The following IVD variants were observed in gnomAD, a reference collection of about 807,000 sequenced individuals.
The protein encoded by IVD is isovaleryl-CoA dehydrogenase, also known as isovaleryl-CoA dehydrogenase, mitochondrial.
Under a neutral mutation model 51.3 loss-of-function variants are expected in IVD, and 31 were observed. The ratio of observed to expected loss-of-function variants is 0.60; its 90% CI spans 0.45 to 0.81. The LOEUF (loss-of-function observed/expected upper bound fraction) is 0.81. Ranked by LOEUF, IVD falls within the 40% of genes least tolerant of loss-of-function variation. The pLI, the probability that IVD is intolerant of heterozygous loss-of-function variation, is 0.00. For missense variants in IVD, 475 were observed against 552.0 expected (o/e 0.86, Z 1.40); for synonymous variants, 205 against 219.4 (o/e 0.93, Z 0.58).
intron 3 of IVD, 128 bp downstream of exon 3, chr15:40,408,118 T>C: frequency 1.2e-6 from 1 of 818,812 alleles, no homozygotes. Flanking sequence ...TTTGGACCTG[T>C]GAAAGCACCC....
chr15:40,429,376 A>G (rs1255444106), downstream of IVD, among the ~76,000 whole-genome samples: 2 of 152,224 alleles, frequency 1.3e-5, no homozygotes, highest in African/African-American at 4.8e-5. Flanking sequence ...AAAGACTAGT[A>G]ACAGTACGGG....
At chr15:40,421,844 C>CCTA (rs1386049226), downstream of IVD, among the ~76,000 whole-genome samples, 1 of 152,200 alleles carries the variant, frequency 6.6e-6, no homozygotes, top group African/African-American at 2.4e-5. Flanking sequence ...TTTCAGAAGA[C>CCTA]CGGTAAGGTG....
At chr15:40,415,028 C>T (rs568307673) in intron 8 of IVD, 46 bp downstream of exon 8, 25 of 1,603,870 alleles carry the variant, frequency 1.6e-5, no homozygotes, top group East Asian at 4.5e-5. Flanking sequence ...TCGGCCTCCT[C>T]GGCAGGTGAC....
chr15:40,405,814 C>G lies in IVD; in HGVS notation c.-14C>G, dbSNP rs773455680. 8 of 1,608,284 alleles carry G rather than the reference C, an allele frequency of 5.0e-6. No individual in the cohort carries two copies. The Admixed American group carries it at 6.7e-5, about 13-fold the overall frequency. On this transcript the variant is annotated 5_prime_UTR_variant, in exon 1 of 12. Coordinates refer to ENST00000487418, the MANE Select transcript of IVD (RefSeq NM_002225.5). ...TGGCTCAGTTTCAGCGCTGGCTCTT[C>G]GTGCATGGCAGAGATGGCGACTGCG...
downstream of IVD, among the ~76,000 whole-genome samples, chr15:40,427,215 G>A (rs1347093123): frequency 3.3e-5 from 5 of 152,326 alleles, 1 homozygote; most frequent in African/African-American, 1.2e-4. Context: ...CTAGGGCTAC[G>A]CTCGCACTGG....
chr15:40,408,488 G>A (rs1048288947), intron 3 of IVD, among the ~76,000 whole-genome samples: 1 of 152,182 alleles, frequency 6.6e-6, no homozygotes, highest in Admixed American at 6.5e-5. Context: ...GGGGAGTAGG[G>A]TAGGGGCTGG....
At position 40,419,256 on chromosome 15, in the gene IVD, A is replaced by G; in HGVS notation, c.*993A>G. ...CCAGGCAAGGTGGTGTGTGCCTGTA[A>G]TCCCAGCACTTTGGGAGGCCAAGGC... On this transcript the variant is annotated 3_prime_UTR_variant, in exon 12 of 12. Coordinates refer to ENST00000487418, the MANE Select transcript of IVD (RefSeq NM_002225.5). 1.6e-6 allele frequency: 2 copies of G among 1,287,262 alleles called. No homozygotes were observed. The highest frequency in any genetic ancestry group is 2.0e-6 in the Non-Finnish European group (2 of 986,998). The allele number at this position is 1,287,262 out of a possible 1,614,324, so 79.7% of individuals were successfully genotyped here. A position where few individuals can be genotyped will look rare whatever the true frequency, so the allele number is the denominator to read the frequency against.
In IVD at chr15:40,417,151, C is replaced by T. The variant is rs543162722; in HGVS notation, c.1138+789C>T. 4.0e-5 allele frequency among the ~76,000 whole-genome samples: 6 copies of T among 148,614 alleles called. No homozygotes were observed. In the East Asian group the frequency reaches 6.0e-4, roughly 15 times the overall value. ...CCCAGGAGGCGGAGGTTGCAGTGAC[C>T]GGAGATCGCGCCATTGCACTCCAGC... is the stretch of plus-strand genomic sequence containing the variant. On this transcript the variant is annotated intron_variant, in intron 11 of 11. Transcript: ENST00000487418.
rs11365500 is a variant in IVD, at chr15:40,409,835, C to CTTTTT, written c.287-778_287-774dup. On this transcript the variant is annotated intron_variant, in intron 3 of 11. Coordinates refer to ENST00000487418, the MANE Select transcript of IVD (RefSeq NM_002225.5). ...GTCCTGTCACCAGTCCTGCTTCTTT[C>CTTTTT]TTTTTTTTTTTTTTTTTTTGAGACA... Among the ~76,000 whole-genome samples the CTTTTT allele has an allele frequency of 7.6e-5, 10 of 131,718 alleles. 1 individual carries two copies. The highest frequency in any genetic ancestry group is 1.1e-4 in the Non-Finnish European group (7 of 62,208). 86.4% of individuals were successfully genotyped at this position (131,718 alleles called of 152,430 possible).
At position 40,418,401 on chromosome 15, in the gene IVD, T is replaced by A; in HGVS notation, c.*138T>A. 1 of 1,572,292 alleles carries A rather than the reference T, an allele frequency of 6.4e-7. No individual in the cohort carries two copies. The highest frequency in any genetic ancestry group is 1.8e-5 in the Admixed American group (1 of 56,246). Reference sequence around the variant, plus strand: ...TCAGCCCTCTGGCCTCTGGATGAGGTTGAGTTCTCCACAACAGCTCCCAAG... The same window carrying A: ...TCAGCCCTCTGGCCTCTGGATGAGGATGAGTTCTCCACAACAGCTCCCAAG... On this transcript the variant is annotated 3_prime_UTR_variant, in exon 12 of 12. Transcript: ENST00000487418.
intron 8 of IVD, chr15:40,435,289 G>A: frequency 1.8e-6 from 1 of 549,158 alleles, no homozygotes; most frequent in Non-Finnish European, 2.3e-6. Context: ...CTTAGCGAGT[G>A]AGGGAGGAGT....
downstream of IVD, among the ~76,000 whole-genome samples, chr15:40,428,756 C>A (rs1892810228): frequency 6.6e-6 from 1 of 152,210 alleles, no homozygotes; most frequent in Non-Finnish European, 1.5e-5. Flanking sequence ...GGCAAGAGCC[C>A]TGGAAGTGCC....
At chr15:40,408,212 T>C (rs1382243576) in intron 3 of IVD, among the ~76,000 whole-genome samples, 3 of 152,208 alleles carry the variant, frequency 2.0e-5, no homozygotes, top group Non-Finnish European at 4.4e-5. Flanking sequence ...AATTAGGTCA[T>C]TGTGGCTCAC....
At position 40,406,919 on chromosome 15, in the gene IVD, A is replaced by C. The variant is rs1323146516; in HGVS notation, c.145-717A>C. ...ACTCTTGTTGCCCAGGCTGGAGTGT[A>C]ATGGCGCGATCTCCGCTCACCACAA... On this transcript the variant is annotated intron_variant, in intron 1 of 11. Transcript: ENST00000487418. Among the ~76,000 whole-genome samples, 6 of 142,262 alleles carry C rather than the reference A, an allele frequency of 4.2e-5. No individual in the cohort carries two copies. In the East Asian group the frequency reaches 1.2e-3, roughly 29 times the overall value. The allele number at this position is 142,262 out of a possible 152,430, so 93.3% of individuals were successfully genotyped here. A position where few individuals can be genotyped will look rare whatever the true frequency, so the allele number is the denominator to read the frequency against.
Position 40,413,087 on chromosome 15 carries a change from G to A in IVD, c.784G>A (p.Ala262Thr). 6.2e-7 allele frequency: 1 copy of A among 1,611,832 alleles called. No homozygotes were observed. The highest frequency in any genetic ancestry group is 1.1e-5 in the South Asian group (1 of 91,012). The change falls in exon 7 of 12, where the codon GCT becomes ACT. Residue 262 changes from alanine to threonine, a missense_variant and splice_region_variant. Physicochemically the swap from Ala to Thr is moderately conservative, Grantham distance 58. Transcript: ENST00000487418. ...ELIFEDCKIP[A>T]ANILGHENKG... ...AATCTTTGAAGACTGCAAGATTCCT[G>A]GTAAGTAGCACCGGGAATCGGGGAG... is the stretch of plus-strand genomic sequence containing the variant.
chr15:40,413,664 G>GT (rs200207728), intron 7 of IVD, among the ~76,000 whole-genome samples: 3,798 of 116,286 alleles, frequency 0.033, 175 homozygotes, highest in African/African-American at 0.099. Flanking sequence ...GTTGTTTGGG[G>GT]TTTTTTTTTG....
chr15:40,415,189 C>A, intron 8 of IVD: 1 of 743,530 alleles, frequency 1.3e-6, no homozygotes, highest in Non-Finnish European at 2.2e-6. Context: ...AGACAAAAGG[C>A]CTGAGGAGCA....
At chr15:40,433,950 C>T (rs1173534070) in intron 8 of IVD, 1 of 456,414 alleles carries the variant, frequency 2.2e-6, no homozygotes, top group Non-Finnish European at 4.4e-6. Flanking sequence ...TGCAACAGGG[C>T]TCTCTGAGTA....
intron 7 of IVD, among the ~76,000 whole-genome samples, chr15:40,433,192 GA>G (rs34521698): frequency 3.9e-4 from 58 of 150,486 alleles, no homozygotes; most frequent in African/African-American, 1.4e-3. Flanking sequence ...AATGCCGTAT[GA>G]AAAAAAAAGC....
Sources: allele counts gnomAD v4.1 joint callset (sites outside exome capture counted in the v4.1 genomes callset), GRCh38; gene constraint gnomAD v4.1.1; transcripts MANE v1.5; gene names NCBI Gene and HGNC (gene_info 2026-07-23, HGNC 2026-07-21).